DMD: variants seen among roughly 807,000 people sequenced by gnomAD.
DMD encodes dystrophin, also known as mutant dystrophin.
Under a neutral mutation model 330.1 loss-of-function variants are expected in DMD, and 63 were observed. That is an observed-to-expected ratio of 0.19 (90% CI 0.16 to 0.24). DMD has a LOEUF of 0.24. DMD is among the 10% of genes least tolerant of loss of function. The pLI is 1.00. For missense variants in DMD, 3,344 were observed against 2,684.1 expected (o/e 1.25, Z -5.43); for synonymous variants, 1,223 against 959.8 (o/e 1.27, Z -5.07).
intron 43 of DMD, among the ~76,000 whole-genome samples, chrX:32,286,497 A>T (rs770657357): frequency 3.6e-5 from 4 of 111,715 alleles, no homozygotes; most frequent in Non-Finnish European, 7.5e-5. Context: ...GGCTTGCTAT[A>T]GGGCAGGCAC....
At chrX:31,605,745 G>T (rs1030871270) in intron 55 of DMD, among the ~76,000 whole-genome samples, 1 of 111,253 alleles carries the variant, frequency 9.0e-6, no homozygotes, top group African/African-American at 3.3e-5. Flanking sequence ...ATATTATTTA[G>T]AAAAGCATGC....
intron 41 of DMD, among the ~76,000 whole-genome samples, chrX:32,335,859 C>T (rs766760567): frequency 9.7e-6 from 1 of 103,155 alleles, no homozygotes; most frequent in African/African-American, 3.5e-5. Context: ...ATGTTATATT[C>T]AACGTTATAT....
At chrX:31,985,541 A>G (rs12847988) in intron 44 of DMD, among the ~76,000 whole-genome samples, 1 of 112,527 alleles carries the variant, frequency 8.9e-6, no homozygotes, top group Non-Finnish European at 1.9e-5. Flanking sequence ...TTGACAACCA[A>G]CAGTAACGAG....
chrX:31,684,675 G>C (rs1882010104), intron 52 of DMD, among the ~76,000 whole-genome samples: 1 of 112,176 alleles, frequency 8.9e-6, no homozygotes, highest in Non-Finnish European at 1.9e-5. Context: ...AAAGCACGTA[G>C]TTCTGCAGTA....
intron 17 of DMD, among the ~76,000 whole-genome samples, chrX:32,529,234 T>A (rs1283916430): frequency 1.8e-5 from 2 of 108,509 alleles, no homozygotes; most frequent in Non-Finnish European, 3.8e-5. Flanking sequence ...CAAACCAATG[T>A]ATTTCTTAAA....
chrX:31,353,578 G>A (rs1255171725), intron 60 of DMD, among the ~76,000 whole-genome samples: 3 of 111,972 alleles, frequency 2.7e-5, no homozygotes, highest in Non-Finnish European at 5.6e-5. Flanking sequence ...ATAAACTCTT[G>A]GATTTCGAGT....
At chrX:31,791,395 T>C (rs773838487) in intron 50 of DMD, among the ~76,000 whole-genome samples, 8 of 112,140 alleles carry the variant, frequency 7.1e-5, no homozygotes, top group African/African-American at 2.6e-4. Flanking sequence ...CTAGTGTGCT[T>C]GAATTTTGCT....
At chrX:31,323,779 C>G in intron 61 of DMD, 121 bp from the exon 62 acceptor site, 2 of 656,032 alleles carry the variant, frequency 3.0e-6, no homozygotes, top group Admixed American at 2.6e-5. Flanking sequence ...GCTCAGCTGC[C>G]CATGAAGACA....
intron 60 of DMD, among the ~76,000 whole-genome samples, chrX:31,434,448 A>G (rs1050641470): frequency 0.017 from 1,761 of 105,168 alleles, 28 homozygotes; most frequent in African/African-American, 0.033. Flanking sequence ...ACACACACAC[A>G]CACACACACA....
rs570385488 is a variant in DMD at position 32,818,195 on chromosome X, C to G, written c.358-1555G>C. Among the ~76,000 whole-genome samples the G allele has an allele frequency of 8.9e-5, 10 of 111,915 alleles. No individual in the cohort carries two copies. In the South Asian group the frequency reaches 3.7e-3, roughly 42 times the overall value. The stretch of plus-strand genomic sequence containing the variant: ...AATGGATTTGCAATAATCAAGCAAT[C>G]CTCCAATGATGAATGTGATTCATTT... On this transcript the variant is annotated intron_variant, in intron 5 of 78. Coordinates refer to ENST00000357033, the MANE Select transcript of DMD (RefSeq NM_004006.3).
chrX:32,777,068 T>G (rs1421796831), intron 7 of DMD, among the ~76,000 whole-genome samples: 6 of 109,371 alleles, frequency 5.5e-5, no homozygotes, highest in African/African-American at 1.0e-4. Flanking sequence ...GTCTTTTTTT[T>G]TTGTTTTTAC....
chrX:31,208,518 G>C (rs1305412027), intron 65 of DMD, among the ~76,000 whole-genome samples: 3 of 111,848 alleles, frequency 2.7e-5, no homozygotes, highest in African/African-American at 9.8e-5. Flanking sequence ...GTTCACAATT[G>C]AAATCCGACA....
chrX:32,100,942 ATTTC>A (rs1338483472), intron 44 of DMD, among the ~76,000 whole-genome samples: 1 of 110,979 alleles, frequency 9.0e-6, no homozygotes, highest in Non-Finnish European at 1.9e-5. Context: ...ATTTGTCTTT[ATTTC>A]TTTAAGTTTC....
Position 31,373,819 on chromosome X carries a change from T to C in DMD, c.9085-25185A>G, listed in dbSNP as rs201448344. On this transcript the variant is annotated intron_variant, in intron 60 of 78. Transcript: ENST00000357033. Reference sequence around the variant, plus strand: ...GGCAACAAAAGCCAAAATTGACAAATGGGATCTAATTAAACTAAAGAGCTT... The same window carrying C: ...GGCAACAAAAGCCAAAATTGACAAACGGGATCTAATTAAACTAAAGAGCTT... Among the ~76,000 whole-genome samples the C allele has an allele frequency of 1.2e-4, 13 of 108,494 alleles. No individual in the cohort carries two copies. In the East Asian group the frequency reaches 3.5e-3, roughly 29 times the overall value. The allele number at this position is 108,494 out of a possible 115,157, so 94.2% of individuals were successfully genotyped here.
chrX:31,613,302 T>G (rs147259076), intron 55 of DMD, among the ~76,000 whole-genome samples: 1 of 111,796 alleles, frequency 8.9e-6, no homozygotes, highest in African/African-American at 3.2e-5. Flanking sequence ...AGCTTGCAGC[T>G]TTAATTTCTT....
intron 7 of DMD, among the ~76,000 whole-genome samples, chrX:32,754,062 G>C (rs542210481): frequency 1.4e-4 from 16 of 110,945 alleles, no homozygotes; most frequent in Non-Finnish European, 2.6e-4. Context: ...TGTTATGTAA[G>C]GTATTGATCA....
At chrX:31,852,677 G>A (rs1225124325) in intron 48 of DMD, among the ~76,000 whole-genome samples, 1 of 111,524 alleles carries the variant, frequency 9.0e-6, no homozygotes, top group African/African-American at 3.3e-5. Context: ...AATCCTTCAA[G>A]TATGCATAAT....
chrX:33,270,776 C>T (rs1387931866), intron 1 of DMD, among the ~76,000 whole-genome samples: 6 of 111,939 alleles, frequency 5.4e-5, no homozygotes, highest in African/African-American at 1.6e-4. Flanking sequence ...AAAACAATTT[C>T]AACACAGGAA....
At chrX:32,158,242 T>G (rs1276826477) in intron 44 of DMD, among the ~76,000 whole-genome samples, 1 of 111,209 alleles carries the variant, frequency 9.0e-6, no homozygotes, top group Non-Finnish European at 1.9e-5. Context: ...CAAAATTTAA[T>G]GTGATACAAG....
Sources: gnomAD v4.1 joint callset for allele counts (sites outside exome capture counted in the v4.1 genomes callset) on GRCh38, gnomAD v4.1.1 for gene constraint, MANE v1.5 for transcripts, NCBI Gene and HGNC (gene_info 2026-07-23, HGNC 2026-07-21) for gene names.